CNOT6L: variants seen among roughly 807,000 people sequenced by gnomAD.
The protein encoded by CNOT6L is CCR4-NOT transcription complex subunit 6-like.
In CNOT6L, 7 loss-of-function variants were observed where a neutral mutation model predicts 64.0. The observed-to-expected ratio is 0.11, with a 90% confidence interval of 0.06 to 0.21. The LOEUF (loss-of-function observed/expected upper bound fraction) is 0.21, where lower values mean the gene tolerates loss of function less well. Ranked by LOEUF, CNOT6L falls within the 10% of genes least tolerant of loss-of-function variation. CNOT6L has a pLI of 1.00. For missense variants in CNOT6L, 245 were observed against 669.0 expected, an observed-to-expected ratio of 0.37 and a Z score of 6.99; for synonymous variants, 193 against 243.4, an observed-to-expected ratio of 0.79 and a Z score of 1.93.
intron 5 of CNOT6L, among the ~76,000 whole-genome samples, chr4:77,753,256 G>A (rs887506956): frequency 1.4e-5 from 2 of 140,270 alleles, no homozygotes; most frequent in Non-Finnish European, 3.1e-5. Context: ...CCAAACAACA[G>A]AAAATAAGGA....
intron 1 of CNOT6L, among the ~76,000 whole-genome samples, chr4:77,800,750 A>G (rs1157658252): frequency 6.6e-6 from 1 of 152,220 alleles, no homozygotes; most frequent in African/African-American, 2.4e-5. Flanking sequence ...CATTAAAAAC[A>G]GTAGAGTAAA....
At position 77,718,123 on chromosome 4, in the gene CNOT6L, T is replaced by G. The variant is rs1720937778; in HGVS notation, c.*2308A>C. The stretch of plus-strand genomic sequence containing the variant: ...CTCCTCTGTGGTTCATATACAATCA[T>G]AAGTGAACTTTAAATTCCATTTTAT... On this transcript the variant is annotated 3_prime_UTR_variant, in exon 12 of 12. Transcript: ENST00000504123. 1 of 152,550 alleles carries G rather than the reference T, an allele frequency of 6.6e-6. No individual in the cohort carries two copies. Among genetic ancestry groups the G allele is most frequent in the South Asian group, 2.1e-4 (1 of 4,832 alleles). The allele number at this position is 152,550 out of a possible 1,614,324, so 9.4% of individuals were successfully genotyped here.
At chr4:77,768,067 A>G (rs1476920865) in intron 4 of CNOT6L, among the ~76,000 whole-genome samples, 2 of 152,164 alleles carry the variant, frequency 1.3e-5, no homozygotes. Flanking sequence ...AAGATGATAC[A>G]AGAGAATATA....
Position 77,719,559 on chromosome 4 carries a change from A to G in CNOT6L, c.*872T>C, listed in dbSNP as rs543973689. The G allele has an allele frequency of 3.3e-5, 5 of 152,596 alleles. No homozygotes were observed. Among genetic ancestry groups the G allele is most frequent in the Non-Finnish European group, 7.4e-5 (5 of 68,020 alleles). 9.5% of individuals were successfully genotyped at this position (152,596 alleles called of 1,614,324 possible). A position where few individuals can be genotyped will look rare whatever the true frequency, so the allele number is the denominator to read the frequency against. On this transcript the variant is annotated 3_prime_UTR_variant, in exon 12 of 12. Coordinates refer to ENST00000504123, the MANE Select transcript of CNOT6L (RefSeq NM_144571.3). ...GCAAAAATGACATAGGTCATATAAC[A>G]TCTGTTTTCCTGGCACAACCAGACA... is the stretch of plus-strand genomic sequence containing the variant.
At chr4:77,762,108 A>C (rs1484814055) in intron 4 of CNOT6L, among the ~76,000 whole-genome samples, 1 of 152,192 alleles carries the variant, frequency 6.6e-6, no homozygotes, top group Non-Finnish European at 1.5e-5. Context: ...GCTATACTGG[A>C]GTGAAAGACT....
At chr4:77,759,713 T>C (rs1030572092) in intron 4 of CNOT6L, among the ~76,000 whole-genome samples, 1 of 152,134 alleles carries the variant, frequency 6.6e-6, no homozygotes, top group Non-Finnish European at 1.5e-5. Context: ...CGAATTGTAA[T>C]TGAGACTTCA....
At chr4:77,781,575 C>T (rs968105581) in intron 1 of CNOT6L, among the ~76,000 whole-genome samples, 2 of 151,896 alleles carry the variant, frequency 1.3e-5, no homozygotes, top group Non-Finnish European at 2.9e-5. Flanking sequence ...CTATTGTTAA[C>T]CCCAAATCTC....
intron 1 of CNOT6L, among the ~76,000 whole-genome samples, chr4:77,817,501 A>T (rs1299751614): frequency 1.3e-5 from 2 of 152,228 alleles, no homozygotes; most frequent in Non-Finnish European, 2.9e-5. Flanking sequence ...TACATGCCAA[A>T]CATATGTTTT....
At chr4:77,739,944 T>A (rs543337585) in intron 8 of CNOT6L, among the ~76,000 whole-genome samples, 1 of 152,110 alleles carries the variant, frequency 6.6e-6, no homozygotes, top group Non-Finnish European at 1.5e-5. Context: ...AGAGTAATAA[T>A]AAAAATCTTC....
intron 1 of CNOT6L, among the ~76,000 whole-genome samples, chr4:77,816,235 G>A (rs1435811044): frequency 1.3e-5 from 2 of 151,880 alleles, no homozygotes; most frequent in Non-Finnish European, 2.9e-5. Flanking sequence ...GATTACTACA[G>A]GGAAATGTTC....
At chr4:77,806,785 C>T (rs576609141) in intron 1 of CNOT6L, among the ~76,000 whole-genome samples, 1 of 152,154 alleles carries the variant, frequency 6.6e-6, no homozygotes, top group African/African-American at 2.4e-5. Flanking sequence ...TGTTCCCACT[C>T]GAGCCCTAGA....
intron 1 of CNOT6L, among the ~76,000 whole-genome samples, chr4:77,798,882 C>T (rs558015065): frequency 4.6e-5 from 7 of 151,400 alleles, no homozygotes; most frequent in East Asian, 1.9e-4. Flanking sequence ...CTAAGGCAGC[C>T]GAGGTAGGAT....
In CNOT6L at chr4:77,776,301, T is replaced by G; in HGVS notation, c.97A>C (p.Lys33Gln). 1 of 1,611,934 alleles carries G rather than the reference T, an allele frequency of 6.2e-7. No individual in the cohort carries two copies. The highest frequency in any genetic ancestry group is 8.5e-7 in the Non-Finnish European group (1 of 1,179,598). Residue 33 changes from lysine (K) to glutamine (Q), a missense_variant, in exon 2 of 12, where the codon AAA (lysine) becomes CAA (glutamine). Lys to Gln is a moderately conservative substitution (Grantham distance 53). Around this residue, in one of 10 missense-constraint regions of CNOT6L, gnomAD observed 78 missense variants for 137.6 expected, o/e 0.57. Transcript: ENST00000504123. ...ATTTCTAATTCTGCCCAGTGAGATT[T>G]TTTCCCATTGGCTACCTCCTCTGCT... ...MSAEEVANGK[K>Q]SHWAELEISG... is the part of the protein sequence containing the mutation.
At chr4:77,783,056 C>T (rs1289154261) in intron 1 of CNOT6L, among the ~76,000 whole-genome samples, 5 of 142,266 alleles carry the variant, frequency 3.5e-5, no homozygotes, top group African/African-American at 5.2e-5. Flanking sequence ...ATTATACATT[C>T]AACTAAAGTC....
chr4:77,738,621 C>T (rs1024441465), intron 8 of CNOT6L, among the ~76,000 whole-genome samples: 2 of 151,752 alleles, frequency 1.3e-5, no homozygotes, highest in Non-Finnish European at 2.9e-5. Flanking sequence ...GGCATGGTGG[C>T]GCATGCCTGT....
intron 7 of CNOT6L, 143 bp from the exon 8 acceptor site, chr4:77,742,438 C>CTAGCAGCTGCCATTGTCAAG: frequency 1.2e-6 from 1 of 809,040 alleles, no homozygotes; most frequent in Non-Finnish European, 2.1e-6. Context: ...TACCTGATTG[C>CTAGCAGCTGCCATTGTCAAG]TAGCAGCTGC....
At chr4:77,724,263 T>C (rs1180901165) in intron 11 of CNOT6L, among the ~76,000 whole-genome samples, 2 of 151,856 alleles carry the variant, frequency 1.3e-5, no homozygotes, top group Non-Finnish European at 2.9e-5. Context: ...GGTGGGAGGA[T>C]TGCTTGAGCC....
intron 10 of CNOT6L, among the ~76,000 whole-genome samples, chr4:77,727,402 A>G (rs1453841574): frequency 1.3e-5 from 2 of 151,968 alleles, no homozygotes; most frequent in African/African-American, 4.8e-5. Context: ...GCCTGTCTCT[A>G]CTAAAAATAC....
chr4:77,774,494 T>G (rs1727948605), intron 3 of CNOT6L, 36 bp downstream of exon 3: 1 of 1,510,958 alleles, frequency 6.6e-7, no homozygotes. Flanking sequence ...AATTTAGAAT[T>G]TTATATAGTG....
Sources: gnomAD v4.1 joint callset for allele counts (sites outside exome capture counted in the v4.1 genomes callset) on GRCh38, gnomAD v4.1.1 for gene constraint, gnomAD v4.1.1 regional missense constraint, MANE v1.5 for transcripts, NCBI Gene and HGNC (gene_info 2026-07-23, HGNC 2026-07-21) for gene names.